The following DNAH14 variants were observed in gnomAD, a reference collection of about 807,000 sequenced individuals.
DNAH14 encodes dynein axonemal heavy chain 14.
DNAH14 carries 478 observed loss-of-function variants against 520.9 expected under a neutral mutation model. That is an observed-to-expected ratio of 0.92 (90% CI 0.85 to 0.99). The LOEUF (loss-of-function observed/expected upper bound fraction) is 0.99. DNAH14 is among the 50% of genes least tolerant of loss of function. The pLI, the probability that DNAH14 is intolerant of heterozygous loss-of-function variation, is 0.00. For missense variants in DNAH14, 4,831 were observed against 5,234.5 expected (o/e 0.92, Z 2.38); for synonymous variants, 1,581 against 1,757.2 (o/e 0.90, Z 2.51).
At chr1:225,142,550 G>T (rs74147132) in intron 28 of DNAH14, among the ~76,000 whole-genome samples, 1 of 152,144 alleles carries the variant, frequency 6.6e-6, no homozygotes, top group Non-Finnish European at 1.5e-5. Context: ...TAGCAAACAC[G>T]ATTGCAAGTA....
chr1:225,002,135 C>G (rs1433907702), intron 8 of DNAH14, among the ~76,000 whole-genome samples: 1 of 152,118 alleles, frequency 6.6e-6, no homozygotes, highest in Non-Finnish European at 1.5e-5. Flanking sequence ...AGAAGTCCCC[C>G]TCTTCTCCAC....
Position 225,335,435 on chromosome 1 carries a change from ATGTGTG to A in DNAH14, c.10081-1827_10081-1822del, listed in dbSNP as rs140720669. ...TGTATGCACATATGCACGTGTGTAC[ATGTGTG>A]TGTATGCACATATGCACGTGTGTAC... On this transcript the variant is annotated intron_variant, in intron 66 of 85. Transcript: ENST00000682510. 3.3e-4 allele frequency among the ~76,000 whole-genome samples: 29 copies of A among 87,492 alleles called. 1 individual carries two copies. The highest frequency in any genetic ancestry group is 1.6e-3 in the African/African-American group (24 of 14,738). The allele number at this position is 87,492 out of a possible 152,430, so 57.4% of individuals were successfully genotyped here.
intron 36 of DNAH14, among the ~76,000 whole-genome samples, chr1:225,168,772 T>C (rs1216585706): frequency 1.3e-5 from 2 of 152,180 alleles, no homozygotes; most frequent in Non-Finnish European, 2.9e-5. Context: ...CAGACTTAAA[T>C]GTCCCTGTCT....
rs772302126 is a variant in DNAH14, at chr1:225,153,832, T to C, written c.5273+6T>C. 3.2e-6 allele frequency: 5 copies of C among 1,545,434 alleles called. No homozygotes were observed. The South Asian group carries it at 6.0e-5, about 19-fold the overall frequency. ...AAGAAACGGGAGTTTAAATGGTCAGTTGAATTTTGAATTGTTAGGTCAAAG... is the reference window on the plus strand; with the variant it reads ...AAGAAACGGGAGTTTAAATGGTCAGCTGAATTTTGAATTGTTAGGTCAAAG... On this transcript the variant is annotated splice_donor_region_variant and intron_variant, in intron 34 of 85. Coordinates refer to ENST00000682510, the MANE Select transcript of DNAH14 (RefSeq NM_001367479.1).
intron 54 of DNAH14, among the ~76,000 whole-genome samples, chr1:225,279,936 A>G (rs1175775715): frequency 6.6e-6 from 1 of 150,636 alleles, no homozygotes; most frequent in East Asian, 1.9e-4. Context: ...TATATAAATT[A>G]AAGGAAAGCA....
At chr1:225,120,078 TAGG>T (rs547582673) in intron 26 of DNAH14, among the ~76,000 whole-genome samples, 19 of 152,324 alleles carry the variant, frequency 1.2e-4, no homozygotes, top group Admixed American at 7.8e-4. Flanking sequence ...GCCAGCTGTA[TAGG>T]AGACCAGTTT....
Position 225,156,754 on chromosome 1 carries a change from G to A in DNAH14, c.5274-2560G>A, listed in dbSNP as rs539926084. ...TTTTGAGACGGAGTCTCGCTCTGTC[G>A]CCCAGGCTGGAGTGCAGTGGCGGGA... On this transcript the variant is annotated intron_variant, in intron 34 of 85. Transcript: ENST00000682510. 1.0e-3 allele frequency among the ~76,000 whole-genome samples: 108 copies of A among 107,792 alleles called. 8 individuals carry two copies. In the Middle Eastern group the frequency reaches 0.049, roughly 49 times the overall value. 70.7% of individuals were successfully genotyped at this position (107,792 alleles called of 152,430 possible).
At chr1:225,370,131 A>C (rs1156564879) in intron 77 of DNAH14, among the ~76,000 whole-genome samples, 1 of 152,102 alleles carries the variant, frequency 6.6e-6, no homozygotes, top group Non-Finnish European at 1.5e-5. Flanking sequence ...CTCTACTGAA[A>C]ACAAAAATTA....
At position 225,117,988 on chromosome 1, in the gene DNAH14, CG is replaced by C; in HGVS notation, c.4081del (p.Val1361CysfsTer8). On this transcript the variant is annotated frameshift_variant, in exon 25 of 86. Transcript: ENST00000682510. LOFTEE classifies it high-confidence loss of function. ...TAATATCTGCTGAAGGGGAAGGTCT[CG>C]TGCTGCCAAAGTATGATAAATGTTA... ...MLISAEGEGL[V>X]LPKKIRVRSA... 1 of 1,545,814 alleles carries C rather than the reference CG, an allele frequency of 6.5e-7. No individual in the cohort carries two copies. The highest frequency in any genetic ancestry group is 8.8e-7 in the Non-Finnish European group (1 of 1,141,640).
chr1:224,953,006 C>CA (rs35015570), intron 2 of DNAH14: 5 of 298,648 alleles, frequency 1.7e-5, no homozygotes, highest in Admixed American at 9.7e-5. Context: ...TTGGATATGC[C>CA]AAAAAAGTGA....
chr1:225,209,434 G>C (rs1172021487), intron 41 of DNAH14, among the ~76,000 whole-genome samples: 2 of 152,140 alleles, frequency 1.3e-5, no homozygotes, highest in Non-Finnish European at 2.9e-5. Flanking sequence ...GAACAGGGGA[G>C]ATTTACAGGT....
chr1:224,944,156 T>C (rs1381883377), intron 1 of DNAH14, among the ~76,000 whole-genome samples: 3 of 152,338 alleles, frequency 2.0e-5, no homozygotes, highest in Middle Eastern at 3.4e-3. Flanking sequence ...CTCTAAGGAC[T>C]TGCTTTATGA....
At position 225,396,257 on chromosome 1, in the gene DNAH14, C is replaced by G. The variant is rs144137319; in HGVS notation, c.13492-2263C>G. The G allele has an allele frequency of 2.9e-4, 44 of 152,228 alleles. 1 individual carries two copies. Among genetic ancestry groups the G allele is most frequent in the African/African-American group, 1.0e-3 (43 of 41,524 alleles). 9.4% of individuals were successfully genotyped at this position (152,228 alleles called of 1,614,324 possible). On this transcript the variant is annotated intron_variant, in intron 84 of 85. Coordinates refer to ENST00000682510, the MANE Select transcript of DNAH14 (RefSeq NM_001367479.1). Reference sequence around the variant, plus strand: ...CAACTGTTTATTTAAAATATGGGTCCAAAACTGCTCTGGCTGTTGGAAATA... The same window carrying G: ...CAACTGTTTATTTAAAATATGGGTCGAAAACTGCTCTGGCTGTTGGAAATA...
intron 1 of DNAH14, among the ~76,000 whole-genome samples, chr1:224,934,046 A>T (rs1401932589): frequency 6.6e-6 from 1 of 152,040 alleles, no homozygotes; most frequent in Non-Finnish European, 1.5e-5. Context: ...GTCCTTCCCT[A>T]TGAAAGTATC....
At position 225,336,050 on chromosome 1, in the gene DNAH14, T is replaced by TATATGTATAC. The variant is rs1485435266; in HGVS notation, c.10081-1213_10081-1212insTGTATACATA. ...ATGTATATACACACATATATGCATA[T>TATATGTATAC]ATACATATATGTATACATACATACT... On this transcript the variant is annotated intron_variant, in intron 66 of 85. Transcript: ENST00000682510. Among the ~76,000 whole-genome samples, 664 of 142,342 alleles carry TATATGTATAC rather than the reference T, an allele frequency of 4.7e-3. 10 individuals carry two copies. The highest frequency in any genetic ancestry group is 0.016 in the African/African-American group (603 of 37,872). The allele number at this position is 142,342 out of a possible 152,430, so 93.4% of individuals were successfully genotyped here. A position where few individuals can be genotyped will look rare whatever the true frequency, so the allele number is the denominator to read the frequency against.
At chr1:225,250,667 TG>T in intron 43 of DNAH14, 2 of 559,112 alleles carry the variant, frequency 3.6e-6, no homozygotes, top group Non-Finnish European at 3.3e-6. Flanking sequence ...ATGGAAGCAC[TG>T]GGGTCAGTCA....
rs746490123 is a variant in DNAH14 at position 225,360,668 on chromosome 1, C to T, written c.11777-13C>T. On this transcript the variant is annotated splice_polypyrimidine_tract_variant and intron_variant, in intron 74 of 85. Transcript: ENST00000682510. Reference sequence around the variant, plus strand: ...GCTTACAGTTTTATATACCTCTCCACGTTGTTATACAGGGATCGACCTTAC... The same window carrying T: ...GCTTACAGTTTTATATACCTCTCCATGTTGTTATACAGGGATCGACCTTAC... The T allele has an allele frequency of 8.4e-6, 13 of 1,547,408 alleles. No homozygotes were observed. Among genetic ancestry groups the T allele is most frequent in the African/African-American group, 2.7e-5 (2 of 72,940 alleles).
rs921174662 is a variant in DNAH14, at chr1:225,272,006, T to C, written c.7772T>C (p.Val2591Ala). 1.3e-6 allele frequency: 2 copies of C among 1,550,738 alleles called. No individual in the cohort carries two copies. The highest frequency in any genetic ancestry group is 2.7e-5 in the African/African-American group (2 of 73,036). ...ISCSLAIYHQ[V>A]RQNMLPTPTK... ...TGTTCCCTAGCTATATACCATCAAG[T>C]ACGTCAGAATATGTTACCAACTCCA... Residue 2591 changes from valine to alanine, a missense_variant, in exon 51 of 86, where the codon GTA becomes GCA. Physicochemically the swap from Val to Ala is moderately conservative, Grantham distance 64. Coordinates refer to ENST00000682510, the MANE Select transcript of DNAH14 (RefSeq NM_001367479.1).
chr1:225,066,941 A>AAT, intron 17 of DNAH14, among the ~76,000 whole-genome samples: 1 of 152,098 alleles, frequency 6.6e-6, no homozygotes, highest in Non-Finnish European at 1.5e-5. Context: ...CAATTGTAAA[A>AAT]TGTGCTGCTA....
Sources: allele counts gnomAD v4.1 joint callset (sites outside exome capture counted in the v4.1 genomes callset), GRCh38; gene constraint gnomAD v4.1.1; transcripts MANE v1.5; gene names NCBI Gene and HGNC (gene_info 2026-07-23, HGNC 2026-07-21).